RIC1: variants seen among roughly 807,000 people sequenced by gnomAD.
RIC1 encodes the protein guanine nucleotide exchange factor subunit RIC1.
Under a neutral mutation model 169.0 loss-of-function variants are expected in RIC1, and 88 were observed. That is an observed-to-expected ratio of 0.52 (90% CI 0.44 to 0.62). The LOEUF is 0.62. RIC1 is among the 20% of genes least tolerant of loss of function. The pLI is 0.00. For synonymous variants in RIC1, 790 were observed against 601.5 expected, an observed-to-expected ratio of 1.31 and a Z score of -4.59; for missense variants, 1,877 against 1,725.5, an observed-to-expected ratio of 1.09 and a Z score of -1.56.
Position 5,718,859 on chromosome 9 carries a change from T to C in RIC1, c.441-1323T>C, listed in dbSNP as rs1487914191. ...TTTCTGATCTTTTTCAGTATTTTTATAGTTGGGGAAAAAACAGCAAATTCT... is the reference window on the plus strand; with the variant it reads ...TTTCTGATCTTTTTCAGTATTTTTACAGTTGGGGAAAAAACAGCAAATTCT... On this transcript the variant is annotated intron_variant, in intron 4 of 25. Coordinates refer to ENST00000414202, the MANE Select transcript of RIC1 (RefSeq NM_020829.4). Among the ~76,000 whole-genome samples, 4 of 152,170 alleles carry C rather than the reference T, an allele frequency of 2.6e-5. No individual in the cohort carries two copies. The East Asian group carries it at 5.8e-4, about 22-fold the overall frequency.
chr9:5,646,709 AT>A (rs1355503022), intron 1 of RIC1, among the ~76,000 whole-genome samples: 5 of 152,162 alleles, frequency 3.3e-5, no homozygotes, highest in Admixed American at 6.5e-5. Context: ...CTTGGAACTT[AT>A]CCCCTCTTGT....
At chr9:5,777,673 A>G (rs1563735620), downstream of RIC1, among the ~76,000 whole-genome samples, 2 of 152,182 alleles carry the variant, frequency 1.3e-5, no homozygotes, top group East Asian at 3.8e-4. Context: ...TAATTTTCAT[A>G]TATGATATGA....
Position 5,720,728 on chromosome 9 carries a change from T to C in RIC1, c.698T>C (p.Val233Ala), listed in dbSNP as rs1823537190. The change falls in exon 6 of 26, where the codon GTG (valine) becomes GCG (alanine). Residue 233 changes from valine to alanine, a missense_variant. This residue lies in a region of RIC1 where 1,104 missense variants were observed against 992.0 expected (regional missense o/e 1.11). Transcript: ENST00000414202. Reference protein sequence around the residue: ...NDGKVGFITPVSSRFTAEQLH... With the variant: ...NDGKVGFITPASSRFTAEQLH... ...GGTAAAGTTGGATTTATTACACCAG[T>C]GTCAAGTAGATTTACTGCAGAGGTA... is the stretch of plus-strand genomic sequence containing the variant. The C allele has an allele frequency of 6.2e-7, 1 of 1,609,410 alleles. No individual in the cohort carries two copies.
chr9:5,707,028 A>G (rs1822633507), intron 3 of RIC1, among the ~76,000 whole-genome samples: 1 of 152,080 alleles, frequency 6.6e-6, no homozygotes, highest in Non-Finnish European at 1.5e-5. Context: ...TAATATAGGC[A>G]TTTTACCTAT....
At chr9:5,640,647 T>C (rs1305860365) in intron 1 of RIC1, among the ~76,000 whole-genome samples, 1 of 152,198 alleles carries the variant, frequency 6.6e-6, no homozygotes, top group Non-Finnish European at 1.5e-5. Flanking sequence ...TAGAAGGAGT[T>C]ATACTCTTCT....
intron 2 of RIC1, among the ~76,000 whole-genome samples, chr9:5,681,652 A>G (rs1033916498): frequency 3.9e-5 from 6 of 152,190 alleles, no homozygotes; most frequent in Non-Finnish European, 5.9e-5. Context: ...GTAGATGTCT[A>G]TTAGGTCTGC....
intron 3 of RIC1, among the ~76,000 whole-genome samples, chr9:5,697,483 G>A (rs1821972424): frequency 1.3e-5 from 2 of 152,152 alleles, no homozygotes; most frequent in South Asian, 4.1e-4. Flanking sequence ...CCATCTGTGT[G>A]TCCATCAGTC....
chr9:5,743,563 A>T (rs1825202406), intron 9 of RIC1, 126 bp from the exon 10 acceptor site: 3 of 720,742 alleles, frequency 4.2e-6, no homozygotes, highest in Admixed American at 5.1e-5. Flanking sequence ...TTTGTATTTC[A>T]TGCATTATTA....
chr9:5,773,503 T>G (rs1281363896), intron 25 of RIC1, among the ~76,000 whole-genome samples: 1 of 152,200 alleles, frequency 6.6e-6, no homozygotes, highest in Non-Finnish European at 1.5e-5. Flanking sequence ...AAATTAGAGT[T>G]GTGGTTGCAG....
chr9:5,730,197 G>T (rs963229808), intron 6 of RIC1, among the ~76,000 whole-genome samples: 2 of 152,172 alleles, frequency 1.3e-5, no homozygotes, highest in Non-Finnish European at 2.9e-5. Context: ...GTCCTCTGTG[G>T]AGACTCATTC....
At chr9:5,674,929 G>T (rs1195211866) in intron 2 of RIC1, among the ~76,000 whole-genome samples, 1 of 152,174 alleles carries the variant, frequency 6.6e-6, no homozygotes, top group African/African-American at 2.4e-5. Flanking sequence ...ATACTTCTTG[G>T]TTTACAACTA....
At chr9:5,686,933 T>C (rs935806394) in intron 2 of RIC1, among the ~76,000 whole-genome samples, 1 of 152,218 alleles carries the variant, frequency 6.6e-6, no homozygotes, top group African/African-American at 2.4e-5. Context: ...TATTTATTTC[T>C]TAAAGAGTTG....
chr9:5,758,093 T>A (rs1826113850), intron 17 of RIC1, among the ~76,000 whole-genome samples: 4 of 152,182 alleles, frequency 2.6e-5, no homozygotes, highest in Admixed American at 2.6e-4. Flanking sequence ...AGGTCAGTGG[T>A]GTTCACAGTC....
chr9:5,678,202 A>G (rs181571127), intron 2 of RIC1, among the ~76,000 whole-genome samples: 132 of 152,302 alleles, frequency 8.7e-4, no homozygotes, highest in African/African-American at 3.1e-3. Context: ...GCTGCATAGT[A>G]TTCCATGGTA....
chr9:5,758,257 C>A (rs754686462), intron 17 of RIC1, among the ~76,000 whole-genome samples: 2 of 152,184 alleles, frequency 1.3e-5, no homozygotes, highest in Non-Finnish European at 2.9e-5. Flanking sequence ...CCAGGACCCA[C>A]GTTGCATAAC....
intron 2 of RIC1, among the ~76,000 whole-genome samples, chr9:5,658,535 G>A (rs1819248515): frequency 6.6e-6 from 1 of 152,050 alleles, no homozygotes. Flanking sequence ...TGAATGACCT[G>A]CAGAACAATT....
rs567508331 is a variant in RIC1 at position 5,658,840 on chromosome 9, G to A, written c.252+2150G>A. ...AAGTTTTTTTGTTTTTTTTTTTACC[G>A]AGACTGACTTTTTTTTTTTTCTTTA... On this transcript the variant is annotated intron_variant, in intron 2 of 25. Transcript: ENST00000414202. Among the ~76,000 whole-genome samples the A allele has an allele frequency of 7.8e-4, 116 of 148,874 alleles. 1 individual carries two copies. Among genetic ancestry groups the A allele is most frequent in the Non-Finnish European group, 1.3e-3 (87 of 67,192 alleles).
intron 3 of RIC1, among the ~76,000 whole-genome samples, chr9:5,695,571 CTTTT>C (rs539521445): frequency 6.2e-5 from 8 of 128,726 alleles, no homozygotes; most frequent in Admixed American, 1.6e-4. Context: ...ATTATTATAT[CTTTT>C]TTTTTTTTTT....
chr9:5,720,250 A>G lies in RIC1; in HGVS notation c.509A>G (p.Glu170Gly). 1.2e-6 allele frequency: 2 copies of G among 1,613,486 alleles called. No individual in the cohort carries two copies. Among genetic ancestry groups the G allele is most frequent in the Non-Finnish European group, 1.7e-6 (2 of 1,179,450 alleles). The change falls in exon 5 of 26, where the codon GAA becomes GGA. Residue 170 changes from glutamate (E) to glycine (G), a missense_variant. Glu to Gly is a moderately conservative substitution (Grantham distance 98). Transcript: ENST00000414202. ...SDGLLHLIHW[E>G]GMTNGRKAIN... ...GGACTTCTTCATCTTATTCACTGGG[A>G]AGGAATGACAAATGGAAGGAAAGCC... is the stretch of plus-strand genomic sequence containing the variant.
Sources: allele counts gnomAD v4.1 joint callset (sites outside exome capture counted in the v4.1 genomes callset), GRCh38; gene constraint gnomAD v4.1.1; regional missense constraint gnomAD v4.1.1; transcripts MANE v1.5; gene names NCBI Gene and HGNC (gene_info 2026-07-23, HGNC 2026-07-21).